SNAPC3: variants seen among roughly 807,000 people sequenced by gnomAD.
The protein encoded by SNAPC3 is small nuclear RNA activating complex polypeptide 3.
In SNAPC3, 56 loss-of-function variants were observed where a neutral mutation model predicts 47.7. The ratio of observed to expected loss-of-function variants is 1.18; its 90% CI spans 0.95 to 1.47. The LOEUF (loss-of-function observed/expected upper bound fraction) is 1.47. Among genes scored for constraint, SNAPC3 ranks in the 40% most tolerant of loss-of-function variants. The pLI, the probability that SNAPC3 is intolerant of heterozygous loss-of-function variation, is 0.00. For synonymous variants in SNAPC3, 235 were observed against 189.9 expected, an observed-to-expected ratio of 1.24 and a Z score of -1.95; for missense variants, 665 against 511.3, an observed-to-expected ratio of 1.30 and a Z score of -2.90.
At chr9:15,444,374 T>C (rs1253302858) in intron 3 of SNAPC3, among the ~76,000 whole-genome samples, 2 of 152,230 alleles carry the variant, frequency 1.3e-5, no homozygotes, top group Non-Finnish European at 2.9e-5. Context: ...ATCAGATGCA[T>C]TGTGTACACA....
rs570013085 is a variant in SNAPC3 at position 15,423,082 on chromosome 9, C to T, written c.203C>T (p.Ala68Val). The change falls in exon 1 of 9, where the codon GCA becomes GTA. Residue 68 changes from alanine to valine, a missense_variant. Ala to Val is a moderately conservative substitution (Grantham distance 64). Coordinates refer to ENST00000380821, the MANE Select transcript of SNAPC3 (RefSeq NM_001039697.2). ...GACTTGTCGCTGAGGGAGCCGCCGG[C>T]ATCCGCTCTGCCTGGGAGCCAGGCA... ...AGDLSLREPP[A>V]SALPGSQAAD... The T allele has an allele frequency of 5.9e-6, 9 of 1,525,500 alleles. No homozygotes were observed. The South Asian group carries it at 9.9e-5, about 17-fold the overall frequency. 94.5% of individuals were successfully genotyped at this position (1,525,500 alleles called of 1,614,324 possible).
intron 2 of SNAPC3, among the ~76,000 whole-genome samples, chr9:15,427,697 A>C (rs1225448409): frequency 6.6e-6 from 1 of 152,168 alleles, no homozygotes; most frequent in Non-Finnish European, 1.5e-5. Flanking sequence ...TATTCTGCCC[A>C]TCCCCCTCAC....
chr9:15,449,445 G>A (rs1026326596), intron 5 of SNAPC3, among the ~76,000 whole-genome samples: 14 of 148,704 alleles, frequency 9.4e-5, no homozygotes, highest in Non-Finnish European at 2.1e-4. Context: ...AGCTTCGGAA[G>A]TTTTTTAAGC....
chr9:15,453,006 G>A, intron 6 of SNAPC3, 35 bp from the exon 7 acceptor site: 3 of 1,535,816 alleles, frequency 2.0e-6, no homozygotes, highest in Non-Finnish European at 2.6e-6. Context: ...AGTTTTTGTG[G>A]AAAAATGATA....
chr9:15,465,158 TG>T, downstream of SNAPC3: 1 of 239,930 alleles, frequency 4.2e-6, no homozygotes, highest in South Asian at 1.7e-4. Context: ...CCACAGTATT[TG>T]GGAAAAGAGG....
At position 15,453,124 on chromosome 9, in the gene SNAPC3, A is replaced by G; in HGVS notation, c.899A>G (p.Asp300Gly). 3 of 1,612,512 alleles carry G rather than the reference A, an allele frequency of 1.9e-6. No homozygotes were observed. Among genetic ancestry groups the G allele is most frequent in the Non-Finnish European group, 1.7e-6 (2 of 1,178,572 alleles). The change falls in exon 7 of 9, where the codon GAC (aspartate) becomes GGC (glycine). Residue 300 changes from aspartate (D) to glycine (G), a missense_variant. By Grantham distance (94) the Asp-to-Gly change is moderately conservative (BLOSUM62 -1). Coordinates refer to ENST00000380821, the MANE Select transcript of SNAPC3 (RefSeq NM_001039697.2). ...AGAATGGAAGATTTCACCTTCAATG[A>G]CTTGTGTATTAAACTGGGTTTTCCT... ...TARMEDFTFN[D>G]LCIKLGFPYL... is the part of the protein sequence containing the mutation.
At chr9:15,442,904 TCC>T (rs2033607863) in intron 3 of SNAPC3, among the ~76,000 whole-genome samples, 2 of 152,300 alleles carry the variant, frequency 1.3e-5, no homozygotes, top group Admixed American at 6.5e-5. Context: ...TGAAGGAGAC[TCC>T]GTCTGCAATC....
At chr9:15,457,817 C>G in intron 7 of SNAPC3, 143 bp from the exon 8 acceptor site, 1 of 567,956 alleles carries the variant, frequency 1.8e-6, no homozygotes. Flanking sequence ...CATGGCATAA[C>G]AAGTAATTCA....
chr9:15,466,643 T>C, downstream of SNAPC3: 2 of 834,644 alleles, frequency 2.4e-6, no homozygotes, highest in Non-Finnish European at 3.6e-6. Flanking sequence ...AATTGGGTGA[T>C]CAAAAGATAA....
intron 2 of SNAPC3, among the ~76,000 whole-genome samples, chr9:15,425,938 G>A (rs1328151748): frequency 6.6e-6 from 1 of 152,072 alleles, no homozygotes; most frequent in Non-Finnish European, 1.5e-5. Flanking sequence ...CCCGGCTCAC[G>A]GCAACCTCCG....
Position 15,447,192 on chromosome 9 carries a change from T to A in SNAPC3, c.680T>A (p.Ile227Asn), listed in dbSNP as rs2034000481. Residue 227 changes from isoleucine to asparagine, a missense_variant, in exon 5 of 9, where the codon ATT becomes AAT. Ile to Asn is a moderately radical substitution (Grantham distance 149, BLOSUM62 -3). Coordinates refer to ENST00000380821, the MANE Select transcript of SNAPC3 (RefSeq NM_001039697.2). Reference protein sequence around the residue: ...DSIRCVSDLQIGGEFSNTPDQ... With the variant: ...DSIRCVSDLQNGGEFSNTPDQ... ...ATTCGATGTGTCAGTGACCTCCAGA[T>A]TGGTGGTGAATTCAGCAACACTCCT... 1 of 1,613,076 alleles carries A rather than the reference T, an allele frequency of 6.2e-7. No homozygotes were observed. The highest frequency in any genetic ancestry group is 8.5e-7 in the Non-Finnish European group (1 of 1,179,138).
At chr9:15,433,759 A>G in intron 3 of SNAPC3, 123 bp downstream of exon 3, 1 of 564,108 alleles carries the variant, frequency 1.8e-6, no homozygotes, top group Non-Finnish European at 3.1e-6. Context: ...AACAAACTAG[A>G]GAAACTCCTT....
chr9:15,459,574 A>G (rs1326252764), intron 8 of SNAPC3, 145 bp from the exon 9 acceptor site: 2 of 623,282 alleles, frequency 3.2e-6, no homozygotes, highest in Non-Finnish European at 5.5e-6. Flanking sequence ...GTATCTATGT[A>G]TACAAAATTA....
intron 3 of SNAPC3, among the ~76,000 whole-genome samples, chr9:15,436,214 T>G (rs2032788406): frequency 2.0e-5 from 3 of 152,242 alleles, no homozygotes; most frequent in Non-Finnish European, 4.4e-5. Flanking sequence ...GTTTATCTTT[T>G]TCTTTTGTTG....
chr9:15,452,507 G>T (rs2034466118), intron 6 of SNAPC3, among the ~76,000 whole-genome samples: 1 of 151,614 alleles, frequency 6.6e-6, no homozygotes, highest in Admixed American at 6.6e-5. Context: ...TAGTAGAGAT[G>T]GGGTTTTTCC....
intron 4 of SNAPC3, 34 bp from the exon 5 acceptor site, chr9:15,447,061 C>G (rs752471690): frequency 4.4e-6 from 7 of 1,595,058 alleles, no homozygotes; most frequent in African/African-American, 1.3e-5. Context: ...CGCTTTGTCT[C>G]TAAATGAACA....
chr9:15,442,257 A>C (rs1313656940), intron 3 of SNAPC3, among the ~76,000 whole-genome samples: 2 of 124,412 alleles, frequency 1.6e-5, no homozygotes, highest in East Asian at 2.6e-4. Flanking sequence ...GCTGCCCCCA[A>C]CCTCCCTCCT....
intron 4 of SNAPC3, 79 bp downstream of exon 4, chr9:15,444,785 C>G (rs1331985892): frequency 4.0e-6 from 3 of 744,018 alleles, no homozygotes; most frequent in African/African-American, 1.8e-5. Flanking sequence ...GAGTCATATT[C>G]CTATGCTTAC....
chr9:15,465,821 A>G (rs543750770), downstream of SNAPC3: 50 of 445,482 alleles, frequency 1.1e-4, no homozygotes, highest in East Asian at 7.4e-5. Flanking sequence ...ATAACTCAGC[A>G]AAGTGTCATG....
Sources: allele counts gnomAD v4.1 joint callset (sites outside exome capture counted in the v4.1 genomes callset), GRCh38; gene constraint gnomAD v4.1.1; transcripts MANE v1.5; gene names NCBI Gene and HGNC (gene_info 2026-07-23, HGNC 2026-07-21).